The following MSI1 variants were observed in gnomAD, a reference collection of about 807,000 sequenced individuals.
MSI1 encodes musashi RNA binding protein 1.
In MSI1, 15 loss-of-function variants were observed where a neutral mutation model predicts 54.4. The observed-to-expected ratio is 0.28, with a 90% confidence interval of 0.18 to 0.42. MSI1 has a LOEUF of 0.42. MSI1 is among the 20% of genes least tolerant of loss of function. The pLI is 1.00. For missense variants in MSI1, 304 were observed against 506.0 expected (o/e 0.60, Z 3.83); for synonymous variants, 200 against 196.5 (o/e 1.02, Z -0.15).
Position 120,342,403 on chromosome 12 carries a change from G to C in MSI1, c.*724C>G, listed in dbSNP as rs909289510. The C allele has an allele frequency of 1.8e-4, 27 of 152,594 alleles. No homozygotes were observed. Among genetic ancestry groups the C allele is most frequent in the African/African-American group, 6.5e-4 (27 of 41,480 alleles). 9.5% of individuals were successfully genotyped at this position (152,594 alleles called of 1,614,324 possible). On this transcript the variant is annotated 3_prime_UTR_variant, in exon 15 of 15. Coordinates refer to ENST00000257552, the MANE Select transcript of MSI1 (RefSeq NM_002442.4). The stretch of plus-strand genomic sequence containing the variant: ...GGGGGGAGCCCCTCACCCCCGAGGG[G>C]TCTTAGAGAGGGGTGGGCACATCAC...
Position 120,368,746 on chromosome 12 carries a change from C to T in MSI1, c.100+87G>A. 1 of 1,192,894 alleles carries T rather than the reference C, an allele frequency of 8.4e-7. No individual in the cohort carries two copies. The highest frequency in any genetic ancestry group is 1.1e-6 in the Non-Finnish European group (1 of 943,988). The allele number at this position is 1,192,894 out of a possible 1,614,324, so 73.9% of individuals were successfully genotyped here. A position where few individuals can be genotyped will look rare whatever the true frequency, so the allele number is the denominator to read the frequency against. ...GAGGGCGCCCGGGGTCAGCAGGGCG[C>T]AGGGCCGGGCTGGGGTGTCCGGGTC... On this transcript the variant is annotated intron_variant, in intron 2 of 14. Coordinates refer to ENST00000257552, the MANE Select transcript of MSI1 (RefSeq NM_002442.4). This position sits in a 1 kb window ranked among gnomAD's most constrained non-coding sequence, Gnocchi z 6.6.
chr12:120,345,783 A>C (rs1592922131), intron 13 of MSI1, 151 bp from the exon 14 acceptor site: 2 of 894,256 alleles, frequency 2.2e-6, no homozygotes, highest in Non-Finnish European at 3.6e-6. Flanking sequence ...TACCCGGATC[A>C]CCCCCCACTG....
Position 120,368,210 on chromosome 12 carries a change from G to T in MSI1, c.164C>A (p.Pro55His). The T allele has an allele frequency of 6.3e-7, 1 of 1,587,386 alleles. No homozygotes were observed. Among genetic ancestry groups the T allele is most frequent in the Non-Finnish European group, 8.6e-7 (1 of 1,166,248 alleles). ...EVKECLVMRD[P>H]LTKRSRGFGF... is the part of the protein sequence containing the mutation. ...GGCTCACCTGGATCTCTTGGTCAGG[G>T]GGTCCCGCATCACCAGACACTCCTT... is the stretch of plus-strand genomic sequence containing the variant. Residue 55 changes from proline (P) to histidine (H), a missense_variant, in exon 3 of 15, where the codon CCC becomes CAC. By Grantham distance (77) the Pro-to-His change is moderately conservative (BLOSUM62 -2). This residue lies in a region of MSI1 where 105 missense variants were observed against 230.1 expected (regional missense o/e 0.46). Coordinates refer to ENST00000257552, the MANE Select transcript of MSI1 (RefSeq NM_002442.4). The surrounding 1 kb of genome is among the most constrained non-coding windows in gnomAD (Gnocchi z 6.6).
At position 120,342,150 on chromosome 12, in the gene MSI1, A is replaced by C. The variant is rs1265947190; in HGVS notation, c.*977T>G. ...GACTGAGCAGAAACCATGAAGCCCCAACCTAGGTAGGGAGCAGGGGAGACC... is the reference window on the plus strand; with the variant it reads ...GACTGAGCAGAAACCATGAAGCCCCCACCTAGGTAGGGAGCAGGGGAGACC... On this transcript the variant is annotated 3_prime_UTR_variant, in exon 15 of 15. Transcript: ENST00000257552. 6.5e-6 allele frequency: 1 copy of C among 153,150 alleles called. No individual in the cohort carries two copies. Among genetic ancestry groups the C allele is most frequent in the African/African-American group, 2.4e-5 (1 of 41,450 alleles). 9.5% of individuals were successfully genotyped at this position (153,150 alleles called of 1,614,324 possible).
At chr12:120,348,807 C>T (rs896522897) in intron 11 of MSI1, among the ~76,000 whole-genome samples, 2 of 152,054 alleles carry the variant, frequency 1.3e-5, no homozygotes, top group Admixed American at 6.6e-5. Context: ...ACAGGAGAAT[C>T]GCTTGCACCC....
intron 11 of MSI1, among the ~76,000 whole-genome samples, chr12:120,349,012 T>C (rs1395134155): frequency 2.0e-5 from 3 of 151,970 alleles, no homozygotes; most frequent in Non-Finnish European, 4.4e-5. Context: ...GTGTTGGGAT[T>C]ACAGGCATGA....
rs1183671981 is a variant in MSI1, at chr12:120,368,142, C to T, written c.182+50G>A. ...CAGATGGTTACAAGGCAGTGAGTGG[C>T]GGGTGGAGGGGGGCGAGCCGGGAGC... On this transcript the variant is annotated intron_variant, in intron 3 of 14. Coordinates refer to ENST00000257552, the MANE Select transcript of MSI1 (RefSeq NM_002442.4). This position sits in a 1 kb window ranked among gnomAD's most constrained non-coding sequence, Gnocchi z 6.6. The T allele has an allele frequency of 5.0e-6, 8 of 1,589,912 alleles. No homozygotes were observed. The highest frequency in any genetic ancestry group is 2.3e-5 in the East Asian group (1 of 43,692).
intron 9 of MSI1, among the ~76,000 whole-genome samples, chr12:120,356,195 G>A (rs1875101854): frequency 6.6e-6 from 1 of 152,260 alleles, no homozygotes; most frequent in Admixed American, 6.5e-5. Flanking sequence ...TTGAAGGAGA[G>A]CCCCATGAGA....
rs377630517 is a variant in MSI1 at position 120,368,947 on chromosome 12, C to T, written c.60-74G>A. The stretch of plus-strand genomic sequence containing the variant: ...AGGGCGCAGGGGGCGCGGGCCCGGG[C>T]TCCGGGGAGGCCCGGCCGGACCCGG... On this transcript the variant is annotated intron_variant, in intron 1 of 14. Transcript: ENST00000257552. This position sits in a 1 kb window ranked among gnomAD's most constrained non-coding sequence, Gnocchi z 6.6. 3.2e-6 allele frequency: 4 copies of T among 1,244,366 alleles called. No homozygotes were observed. The highest frequency in any genetic ancestry group is 4.1e-6 in the Non-Finnish European group (4 of 981,680). 77.1% of individuals were successfully genotyped at this position (1,244,366 alleles called of 1,614,324 possible).
At position 120,353,360 on chromosome 12, in the gene MSI1, G is replaced by A. The variant is rs550696294; in HGVS notation, c.672C>T (p.Ala224=). The A allele has an allele frequency of 4.3e-6, 7 of 1,614,086 alleles. No individual in the cohort carries two copies. Among genetic ancestry groups the A allele is most frequent in the African/African-American group, 4.0e-5 (3 of 75,016 alleles). Reference sequence around the variant, plus strand: ...TATAACTCCGGCTGGCGTAGGTTGTGGCTTGGAAACCTGGGTAACCTGATG... The same window carrying A: ...TATAACTCCGGCTGGCGTAGGTTGTAGCTTGGAAACCTGGGTAACCTGATG... The part of the protein sequence containing the change: ...IGMLGYPGFQ[A]TTYASRSYTG... The change falls in exon 10 of 15, where the codon GCC becomes GCT. Residue 224 remains alanine (A), a synonymous_variant. Transcript: ENST00000257552.
At chr12:120,367,056 C>T (rs1364889264) in intron 4 of MSI1, among the ~76,000 whole-genome samples, 1 of 152,144 alleles carries the variant, frequency 6.6e-6, no homozygotes, top group Non-Finnish European at 1.5e-5. Context: ...CTCATTACTG[C>T]GAGCGGGAGC....
chr12:120,340,358 A>C (rs972402398), downstream of MSI1, among the ~76,000 whole-genome samples: 1 of 152,242 alleles, frequency 6.6e-6, no homozygotes. Context: ...TGCTGGGAGT[A>C]TAGGCGTGAG....
chr12:120,354,454 G>A (rs1874901868), intron 9 of MSI1, among the ~76,000 whole-genome samples: 1 of 149,176 alleles, frequency 6.7e-6, no homozygotes, highest in Admixed American at 6.6e-5. Context: ...TTTTTGAGAT[G>A]GAGTTTCACT....
intron 14 of MSI1, among the ~76,000 whole-genome samples, chr12:120,345,271 C>G (rs922936131): frequency 2.0e-5 from 3 of 152,018 alleles, no homozygotes; most frequent in Admixed American, 6.6e-5. Context: ...GTGGGAGGAT[C>G]CCTTGAGCCC....
In MSI1 at chr12:120,346,286, G is replaced by A. The variant is rs1265704785; in HGVS notation, c.896C>T (p.Ser299Leu). ...HPWTMAPPPGSTPSRTGGFLG... is the reference protein window; with the variant it reads ...HPWTMAPPPGLTPSRTGGFLG... ...GAAGCCCCCTGTGCGGCTGGGAGTC[G>A]AACCTGGAGGGGGAGCCATCGTCCA... The change falls in exon 13 of 15, where the codon TCG becomes TTG. Residue 299 changes from serine to leucine, a missense_variant. Ser to Leu is a moderately radical substitution (Grantham distance 145). Coordinates refer to ENST00000257552, the MANE Select transcript of MSI1 (RefSeq NM_002442.4). 5.1e-6 allele frequency: 8 copies of A among 1,580,350 alleles called. No individual in the cohort carries two copies. The highest frequency in any genetic ancestry group is 6.9e-6 in the Non-Finnish European group (8 of 1,164,748).
Position 120,347,510 on chromosome 12 carries a change from A to T in MSI1, c.795T>A (p.Ile265=). ...SAPVLPELTA[I]PLTAYGPMAA... is the part of the protein sequence containing the mutation. ...CCATTGGTCCGTAGGCAGTGAGAGG[A>T]ATGGCTGAAAGGAAAGGGATGGGCA... Residue 265 remains isoleucine (I), a synonymous_variant, in exon 12 of 15, where the codon ATT becomes ATA. Transcript: ENST00000257552. 1 of 1,614,126 alleles carries T rather than the reference A, an allele frequency of 6.2e-7. No individual in the cohort carries two copies. The highest frequency in any genetic ancestry group is 8.5e-7 in the Non-Finnish European group (1 of 1,180,034).
intron 7 of MSI1, 57 bp from the exon 8 acceptor site, chr12:120,357,955 T>C: frequency 2.7e-6 from 4 of 1,490,070 alleles, no homozygotes; most frequent in Non-Finnish European, 1.9e-6. Flanking sequence ...GGGTCAAAAC[T>C]CAACCCCAGG....
chr12:120,345,318 A>AAAT (rs1206325895), intron 14 of MSI1, among the ~76,000 whole-genome samples: 2 of 152,048 alleles, frequency 1.3e-5, no homozygotes, highest in Non-Finnish European at 2.9e-5. Context: ...CTTGTCTCAA[A>AAAT]AATAATAATA....
intron 9 of MSI1, among the ~76,000 whole-genome samples, chr12:120,355,230 C>T (rs1243743814): frequency 4.0e-5 from 6 of 151,450 alleles, no homozygotes; most frequent in South Asian, 2.1e-4. Flanking sequence ...ACAGTGAAAC[C>T]CCGTCTCTAC....
Sources: allele counts gnomAD v4.1 joint callset (sites outside exome capture counted in the v4.1 genomes callset), GRCh38; gene constraint gnomAD v4.1.1; regional missense constraint gnomAD v4.1.1; non-coding constraint Gnocchi (gnomAD v3.1); transcripts MANE v1.5; gene names NCBI Gene and HGNC (gene_info 2026-07-23, HGNC 2026-07-21).